HPSE2: variants seen among roughly 807,000 people sequenced by gnomAD.
HPSE2 encodes inactive heparanase-2.
A neutral mutation model predicts 60.5 loss-of-function variants in HPSE2; 38 were observed. That is an observed-to-expected ratio of 0.63 (90% CI 0.48 to 0.82). The LOEUF is 0.82. HPSE2 is among the 40% of genes least tolerant of loss of function. HPSE2 has a pLI of 0.00. For synonymous variants in HPSE2, 295 were observed against 293.2 expected, an observed-to-expected ratio of 1.01 and a Z score of -0.06; for missense variants, 713 against 740.4, an observed-to-expected ratio of 0.96 and a Z score of 0.43.
the HPSE2 span, among the ~76,000 whole-genome samples, chr10:99,244,776 A>T: frequency 6.6e-6 from 1 of 151,998 alleles, no homozygotes; most frequent in Non-Finnish European, 1.5e-5. Flanking sequence ...AAGGCTTACC[A>T]CTGATTCATT....
chr10:98,596,862 T>A (rs1945253608), intron 9 of HPSE2, among the ~76,000 whole-genome samples: 1 of 152,324 alleles, frequency 6.6e-6, no homozygotes, highest in Non-Finnish European at 1.5e-5. Context: ...GACTGGAGAC[T>A]GTATTAATTC....
chr10:98,812,412 A>G (rs959832753), intron 3 of HPSE2, among the ~76,000 whole-genome samples: 1 of 152,160 alleles, frequency 6.6e-6, no homozygotes, highest in Non-Finnish European at 1.5e-5. Flanking sequence ...GTGAACACCT[A>G]TTAAAAATAC....
At chr10:99,192,750 C>T (rs999469000) in intron 2 of HPSE2, among the ~76,000 whole-genome samples, 2 of 152,046 alleles carry the variant, frequency 1.3e-5, no homozygotes, top group Non-Finnish European at 2.9e-5. Flanking sequence ...ATTTAAAGTG[C>T]TAAAGAAAAA....
At chr10:99,094,540 A>ATTTTTTTTTT (rs531721304) in intron 3 of HPSE2, among the ~76,000 whole-genome samples, 1 of 26,612 alleles carries the variant, frequency 3.8e-5, no homozygotes, top group African/African-American at 1.7e-4. Flanking sequence ...ATATATATAT[A>ATTTTTTTTTT]TTTTTTTTTT....
intron 9 of HPSE2, among the ~76,000 whole-genome samples, chr10:98,509,971 G>T (rs570660192): frequency 1.3e-5 from 2 of 150,484 alleles, no homozygotes; most frequent in Non-Finnish European, 3.0e-5. Context: ...ACACACACAC[G>T]CACACACACA....
At chr10:98,839,225 T>C (rs1428832974) in intron 3 of HPSE2, among the ~76,000 whole-genome samples, 2 of 152,200 alleles carry the variant, frequency 1.3e-5, no homozygotes, top group Admixed American at 1.3e-4. Flanking sequence ...GGAGAGATCA[T>C]TTTTTCATAT....
intron 3 of HPSE2, among the ~76,000 whole-genome samples, chr10:98,881,507 T>A (rs1390019329): frequency 6.6e-6 from 1 of 152,042 alleles, no homozygotes; most frequent in African/African-American, 2.4e-5. Flanking sequence ...GGAAGAGATG[T>A]TTGCATATCA....
At chr10:99,220,742 G>A (rs1849280940) in intron 2 of HPSE2, among the ~76,000 whole-genome samples, 1 of 150,398 alleles carries the variant, frequency 6.6e-6, no homozygotes. Context: ...GGTGGAGGTT[G>A]CAGTGAGCTG....
At chr10:98,968,710 C>T (rs1955875723) in intron 3 of HPSE2, among the ~76,000 whole-genome samples, 2 of 152,032 alleles carry the variant, frequency 1.3e-5, no homozygotes, top group Admixed American at 1.3e-4. Context: ...TTAGATGGAG[C>T]TGGAGGTTGT....
chr10:98,560,372 A>G (rs977649387), intron 9 of HPSE2, among the ~76,000 whole-genome samples: 1 of 152,174 alleles, frequency 6.6e-6, no homozygotes, highest in African/African-American at 2.4e-5. Context: ...ACCAGATTTC[A>G]TCGTGACAAA....
intron 5 of HPSE2, among the ~76,000 whole-genome samples, chr10:98,711,168 C>T (rs1055708537): frequency 6.6e-6 from 1 of 152,060 alleles, no homozygotes; most frequent in Admixed American, 6.6e-5. Context: ...ATACACACCC[C>T]TTGACAGTCC....
chr10:98,707,225 C>A (rs1163010669), intron 5 of HPSE2, among the ~76,000 whole-genome samples: 1 of 152,156 alleles, frequency 6.6e-6, no homozygotes, highest in Non-Finnish European at 1.5e-5. Flanking sequence ...ACTTTCAATG[C>A]CACTGCTGGT....
Position 98,703,943 on chromosome 10 carries a change from A to G in HPSE2, c.957-9996T>C, listed in dbSNP as rs1283841161. Reference sequence around the variant, plus strand: ...ACAATCAGACAAGAGAAAGAAATAAAGAGTATTCAAATAGGAAGAGAGGAA... The same window carrying G: ...ACAATCAGACAAGAGAAAGAAATAAGGAGTATTCAAATAGGAAGAGAGGAA... On this transcript the variant is annotated intron_variant, in intron 5 of 11. Coordinates refer to ENST00000370552, the MANE Select transcript of HPSE2 (RefSeq NM_021828.5). Among the ~76,000 whole-genome samples, 26 of 152,166 alleles carry G rather than the reference A, an allele frequency of 1.7e-4. 1 individual carries two copies.
chr10:99,116,092 T>G (rs1375505772), intron 3 of HPSE2, among the ~76,000 whole-genome samples: 1 of 152,180 alleles, frequency 6.6e-6, no homozygotes, highest in Non-Finnish European at 1.5e-5. Context: ...AATGTTTAGC[T>G]AAAATATGAC....
chr10:99,294,367 GTATATAATACATACA>G, the HPSE2 span, among the ~76,000 whole-genome samples: 2 of 144,122 alleles, frequency 1.4e-5, no homozygotes, highest in African/African-American at 5.1e-5. Context: ...ATATTATATA[GTATATAATACATACA>G]TATATAATAT....
At chr10:98,871,591 T>C (rs79556752) in intron 3 of HPSE2, among the ~76,000 whole-genome samples, 2,707 of 152,204 alleles carry the variant, frequency 0.018, 44 homozygotes, top group Admixed American at 0.029. Flanking sequence ...TTAAAATTAT[T>C]TATTCCTTGA....
At chr10:99,089,854 C>T (rs1843451593) in intron 3 of HPSE2, among the ~76,000 whole-genome samples, 3 of 152,192 alleles carry the variant, frequency 2.0e-5, no homozygotes. Context: ...TTTCTTTCAG[C>T]AGTCTTTCAT....
intron 3 of HPSE2, among the ~76,000 whole-genome samples, chr10:98,751,878 G>A (rs1210062450): frequency 6.6e-6 from 1 of 152,192 alleles, no homozygotes. Flanking sequence ...TAGAACTCAA[G>A]AAGCAAAATT....
At chr10:98,714,158 AG>A (rs1235677925) in intron 5 of HPSE2, among the ~76,000 whole-genome samples, 1 of 151,846 alleles carries the variant, frequency 6.6e-6, no homozygotes, top group Non-Finnish European at 1.5e-5. Flanking sequence ...GGTGTATAGG[AG>A]CTTTATCTTT....
Sources: gnomAD v4.1 joint callset for allele counts (sites outside exome capture counted in the v4.1 genomes callset) on GRCh38, gnomAD v4.1.1 for gene constraint, MANE v1.5 for transcripts, NCBI Gene and HGNC (gene_info 2026-07-23, HGNC 2026-07-21) for gene names.